The following ECSIT variants were observed in gnomAD, a reference collection of about 807,000 sequenced individuals.
ECSIT encodes ECSIT signaling integrator.
A neutral mutation model predicts 36.8 loss-of-function variants in ECSIT; 29 were observed. That is an observed-to-expected ratio of 0.79 (90% CI 0.59 to 1.08). The LOEUF (loss-of-function observed/expected upper bound fraction) is 1.08. ECSIT is among the 50% of genes least tolerant of loss of function. ECSIT has a pLI of 0.00. For synonymous variants in ECSIT, 231 were observed against 234.8 expected (o/e 0.98, Z 0.15); for missense variants, 542 against 581.0 (o/e 0.93, Z 0.69).
At chr19:11,524,934 C>T (rs566855098) in intron 1 of ECSIT, among the ~76,000 whole-genome samples, 1 of 151,750 alleles carries the variant, frequency 6.6e-6, no homozygotes, top group South Asian at 2.1e-4. Flanking sequence ...GTCAGGAGTT[C>T]AAGACCAGCT....
chr19:11,525,086 G>A (rs780616346), intron 1 of ECSIT, among the ~76,000 whole-genome samples: 19 of 152,050 alleles, frequency 1.2e-4, no homozygotes, highest in Non-Finnish European at 2.2e-4. Flanking sequence ...GCAGTGAGCC[G>A]AGATTGCACC....
chr19:11,507,948 G>A (rs1971789732), intron 5 of ECSIT, 43 bp downstream of exon 5: 1 of 1,614,028 alleles, frequency 6.2e-7, no homozygotes, highest in Middle Eastern at 1.7e-4. Context: ...GCAGGGCCTG[G>A]GTAAGGTTAG....
chr19:11,526,886 A>AT (rs2145007497), intron 1 of ECSIT, among the ~76,000 whole-genome samples: 1 of 151,584 alleles, frequency 6.6e-6, no homozygotes, highest in South Asian at 2.1e-4. Flanking sequence ...CACCCAGCTA[A>AT]TTTTTTGTAT....
chr19:11,508,095 C>A, intron 4 of ECSIT, 47 bp from the exon 5 acceptor site: 1 of 1,604,842 alleles, frequency 6.2e-7, no homozygotes. Flanking sequence ...CAATCCCCTA[C>A]AGAGGAACTG....
intron 4 of ECSIT, among the ~76,000 whole-genome samples, chr19:11,511,347 G>A (rs916878581): frequency 6.6e-6 from 1 of 152,144 alleles, no homozygotes; most frequent in Admixed American, 6.6e-5. Flanking sequence ...GAGACAGGAG[G>A]GAGACTGAGT....
At chr19:11,522,558 A>G in intron 1 of ECSIT, 1 of 673,420 alleles carries the variant, frequency 1.5e-6, no homozygotes, top group Non-Finnish European at 2.6e-6. Context: ...GGTAAAAAAA[A>G]AAAAAATTAG....
chr19:11,524,852 A>C (rs1276796868), intron 1 of ECSIT, among the ~76,000 whole-genome samples: 1 of 151,732 alleles, frequency 6.6e-6, no homozygotes, highest in Non-Finnish European at 1.5e-5. Context: ...AATAAAAAGC[A>C]CTCTGGCCAG....
chr19:11,506,439 A>G lies in ECSIT; in HGVS notation c.1052-11T>C. On this transcript the variant is annotated splice_polypyrimidine_tract_variant and intron_variant, in intron 7 of 7. Transcript: ENST00000270517. ...CAGGGCCTTCCTCCACTGTTGGAAGACATGCACCCTTAAGGTTTGCACAGT... is the reference window on the plus strand; with the variant it reads ...CAGGGCCTTCCTCCACTGTTGGAAGGCATGCACCCTTAAGGTTTGCACAGT... 1 of 1,608,120 alleles carries G rather than the reference A, an allele frequency of 6.2e-7. No homozygotes were observed. Among genetic ancestry groups the G allele is most frequent in the Non-Finnish European group, 8.5e-7 (1 of 1,176,134 alleles).
At chr19:11,521,933 C>G (rs571103275) in intron 1 of ECSIT, 44 of 168,630 alleles carry the variant, frequency 2.6e-4, no homozygotes, top group African/African-American at 9.8e-4. Flanking sequence ...AGCCAGGCTC[C>G]TTTTGCCGGT....
intron 3 of ECSIT, among the ~76,000 whole-genome samples, 186 bp downstream of exon 3, chr19:11,513,618 A>C (rs967260408): frequency 2.0e-5 from 1 of 49,544 alleles, no homozygotes; most frequent in Non-Finnish European, 3.7e-5. Flanking sequence ...GGGAGGGGGG[A>C]GGGGAGGGGA....
At chr19:11,526,307 A>G (rs1225089657) in intron 1 of ECSIT, among the ~76,000 whole-genome samples, 3 of 152,162 alleles carry the variant, frequency 2.0e-5, no homozygotes, top group Non-Finnish European at 4.4e-5. Flanking sequence ...TGTGAGCATT[A>G]AAGTTTGAGA....
At chr19:11,521,976 C>G (rs1162936814) in intron 1 of ECSIT, 3 of 182,926 alleles carry the variant, frequency 1.6e-5, no homozygotes, top group African/African-American at 7.2e-5. Context: ...CCATGAAGGC[C>G]TCGGGCACAC....
chr19:11,513,050 G>T lies in ECSIT; in HGVS notation c.738+6C>A. 1 of 1,613,326 alleles carries T rather than the reference G, an allele frequency of 6.2e-7. No individual in the cohort carries two copies. Among genetic ancestry groups the T allele is most frequent in the South Asian group, 1.1e-5 (1 of 91,058 alleles). ...GGCAGCTGACGCTGTAGACAAGGGC[G>T]GATACCTGGTAGATGGTGACCCTGG... On this transcript the variant is annotated splice_donor_region_variant and intron_variant, in intron 4 of 7. Transcript: ENST00000270517.
chr19:11,511,532 T>C (rs1251046252), intron 4 of ECSIT, among the ~76,000 whole-genome samples: 2 of 152,088 alleles, frequency 1.3e-5, no homozygotes, highest in Admixed American at 6.6e-5. Flanking sequence ...GTGGTGAGAA[T>C]TGGCACAGAA....
At chr19:11,510,314 T>C (rs2871605) in intron 4 of ECSIT, among the ~76,000 whole-genome samples, 20,984 of 151,878 alleles carry the variant, frequency 0.14, 3,265 homozygotes, top group African/African-American at 0.38. Flanking sequence ...TAGCTGGGGC[T>C]ACAGGTGTGC....
intron 2 of ECSIT, among the ~76,000 whole-genome samples, chr19:11,515,511 C>T (rs1971980552): frequency 6.6e-6 from 1 of 151,992 alleles, no homozygotes; most frequent in African/African-American, 2.4e-5. Flanking sequence ...GGCTGGAATG[C>T]AATGGTGTCA....
At chr19:11,517,426 T>C (rs1040354673) in intron 2 of ECSIT, among the ~76,000 whole-genome samples, 4 of 151,786 alleles carry the variant, frequency 2.6e-5, no homozygotes, top group Non-Finnish European at 5.9e-5. Context: ...TGAAACCCCA[T>C]CTCTACCAAA....
At chr19:11,528,381 AGCTAGGACT>A (rs1297183522) in intron 1 of ECSIT, among the ~76,000 whole-genome samples, 1 of 152,158 alleles carries the variant, frequency 6.6e-6, no homozygotes, top group African/African-American at 2.4e-5. Context: ...CTTCCCGAGT[AGCTAGGACT>A]ACAGGCGTGC....
At position 11,506,297 on chromosome 19, in the gene ECSIT, C is replaced by A; in HGVS notation, c.1183G>T (p.Gly395Trp). Residue 395 changes from glycine (G) to tryptophan (W), a missense_variant, in exon 8 of 8, where the codon GGG (glycine) becomes TGG (tryptophan). Gly to Trp is a radical substitution (Grantham distance 184). Coordinates refer to ENST00000270517, the MANE Select transcript of ECSIT (RefSeq NM_016581.5). ...GATGTCTGGAGCTCCCGGGTGGACC[C>A]GGCGAGGCGGAAGACCACGGGGATC... The part of the protein sequence containing the change: ...AQIPVVFRLA[G>W]STRELQTSSA... The A allele has an allele frequency of 6.2e-7, 1 of 1,612,936 alleles. No individual in the cohort carries two copies. The highest frequency in any genetic ancestry group is 1.6e-4 in the Middle Eastern group (1 of 6,062).
Sources: gnomAD v4.1 joint callset for allele counts (sites outside exome capture counted in the v4.1 genomes callset) on GRCh38, gnomAD v4.1.1 for gene constraint, MANE v1.5 for transcripts, NCBI Gene and HGNC (gene_info 2026-07-23, HGNC 2026-07-21) for gene names.